The following OXR1 variants were observed in gnomAD, a reference collection of about 807,000 sequenced individuals.
The protein encoded by OXR1 is oxidation resistance 1, also known as oxidation resistance protein 1.
A neutral mutation model predicts 104.6 loss-of-function variants in OXR1; 41 were observed. The ratio of observed to expected loss-of-function variants is 0.39; its 90% CI spans 0.31 to 0.51. The LOEUF is 0.51. Among genes scored for constraint, OXR1 ranks in the 20% least tolerant of loss-of-function variants. The pLI, the probability that OXR1 is intolerant of heterozygous loss-of-function variation, is 0.77. For missense variants in OXR1, 955 were observed against 1,031.9 expected, an observed-to-expected ratio of 0.93 and a Z score of 1.02; for synonymous variants, 348 against 348.4, an observed-to-expected ratio of 1.00 and a Z score of 0.01.
intron 1 of OXR1, among the ~76,000 whole-genome samples, chr8:106,289,177 A>C (rs936161351): frequency 6.6e-6 from 1 of 152,208 alleles, no homozygotes; most frequent in Non-Finnish European, 1.5e-5. Flanking sequence ...TAGCCAAAGC[A>C]ATCAGGCAAG....
intron 1 of OXR1, among the ~76,000 whole-genome samples, chr8:106,342,983 A>G (rs116677385): frequency 0.011 from 1,606 of 152,252 alleles, 34 homozygotes; most frequent in African/African-American, 0.035. Context: ...TGGAAGTCCT[A>G]TACCCTGGGA....
chr8:106,707,223 G>A (rs561074289), intron 9 of OXR1, 78 bp downstream of exon 9: 19 of 1,380,834 alleles, frequency 1.4e-5, no homozygotes, highest in Middle Eastern at 1.8e-4. Context: ...CTCAAAAGCC[G>A]CTGTACCTTA....
chr8:106,641,248 C>G (rs187629435), intron 3 of OXR1, among the ~76,000 whole-genome samples: 1 of 152,254 alleles, frequency 6.6e-6, no homozygotes, highest in East Asian at 1.9e-4. Flanking sequence ...ATAAAGAAGG[C>G]TTTAGAGAGT....
At chr8:106,518,907 T>C in intron 2 of OXR1, 36 bp from the exon 3 acceptor site, 1 of 1,437,278 alleles carries the variant, frequency 7.0e-7, no homozygotes, top group Non-Finnish European at 9.4e-7. Flanking sequence ...GTCTCTAGAA[T>C]CAGGATTCAT....
chr8:106,467,118 C>G (rs187265256), intron 2 of OXR1, among the ~76,000 whole-genome samples: 3 of 151,984 alleles, frequency 2.0e-5, no homozygotes, highest in Admixed American at 2.0e-4. Flanking sequence ...TTCCAAACTA[C>G]CTTCCAGAGT....
chr8:106,499,596 A>T (rs898831520), intron 2 of OXR1, among the ~76,000 whole-genome samples: 5 of 152,084 alleles, frequency 3.3e-5, no homozygotes, highest in Non-Finnish European at 7.4e-5. Flanking sequence ...ACCCACCACC[A>T]CCTCCAAAAT....
intron 2 of OXR1, among the ~76,000 whole-genome samples, chr8:106,463,494 T>C (rs1821017800): frequency 6.6e-6 from 1 of 152,140 alleles, no homozygotes; most frequent in East Asian, 1.9e-4. Flanking sequence ...CTGTTTATGT[T>C]CTTTGGCCCT....
intron 1 of OXR1, among the ~76,000 whole-genome samples, chr8:106,278,950 T>C (rs1173934936): frequency 1.3e-5 from 2 of 152,192 alleles, no homozygotes; most frequent in Non-Finnish European, 2.9e-5. Flanking sequence ...TTTCCATATG[T>C]AGTTTCCAAC....
intron 2 of OXR1, among the ~76,000 whole-genome samples, chr8:106,425,211 C>T (rs970574098): frequency 1.7e-4 from 25 of 150,004 alleles, no homozygotes; most frequent in Non-Finnish European, 3.0e-4. Context: ...TCAAGGGATC[C>T]TCCTGCCTCT....
intron 2 of OXR1, among the ~76,000 whole-genome samples, chr8:106,485,293 G>T (rs1320243824): frequency 6.6e-6 from 1 of 152,076 alleles, no homozygotes; most frequent in South Asian, 2.1e-4. Flanking sequence ...AAGAGCAAGA[G>T]TGAATCCTAA....
intron 11 of OXR1, among the ~76,000 whole-genome samples, chr8:106,715,586 A>C (rs1832160338): frequency 6.6e-6 from 1 of 152,002 alleles, no homozygotes; most frequent in Admixed American, 6.6e-5. Context: ...AGGTGATGAA[A>C]TAAAGCTAGA....
chr8:106,691,105 A>C (rs960704100), intron 6 of OXR1, among the ~76,000 whole-genome samples: 42 of 151,988 alleles, frequency 2.8e-4, no homozygotes, highest in Admixed American at 2.7e-3. Flanking sequence ...TGATTATTAA[A>C]CTTTTTGTAA....
At chr8:106,637,321 G>A (rs1372805697) in intron 3 of OXR1, among the ~76,000 whole-genome samples, 1 of 149,220 alleles carries the variant, frequency 6.7e-6, no homozygotes. Context: ...GAACTTTAAT[G>A]TGTGTGTGTA....
intron 2 of OXR1, among the ~76,000 whole-genome samples, chr8:106,375,295 G>A (rs1816864729): frequency 6.6e-6 from 1 of 152,202 alleles, no homozygotes; most frequent in Non-Finnish European, 1.5e-5. Context: ...TTAGGTTGGT[G>A]CAAAAGTAAT....
intron 2 of OXR1, among the ~76,000 whole-genome samples, chr8:106,502,771 C>T (rs1191884859): frequency 1.3e-5 from 2 of 152,152 alleles, no homozygotes; most frequent in African/African-American, 4.8e-5. Context: ...AGTCCTTTAT[C>T]CCACTCCTGT....
chr8:106,366,413 G>C (rs190855853), intron 2 of OXR1, among the ~76,000 whole-genome samples: 2 of 152,072 alleles, frequency 1.3e-5, no homozygotes, highest in Non-Finnish European at 2.9e-5. Flanking sequence ...TGAACAATTA[G>C]GTAAAAGACC....
chr8:106,417,466 C>A (rs1423837021), intron 2 of OXR1, among the ~76,000 whole-genome samples: 1 of 152,100 alleles, frequency 6.6e-6, no homozygotes, highest in Non-Finnish European at 1.5e-5. Flanking sequence ...TTACTTCAGA[C>A]TGTGAGTTTG....
intron 7 of OXR1, among the ~76,000 whole-genome samples, chr8:106,700,541 CATT>C (rs994293260): frequency 6.6e-6 from 1 of 152,160 alleles, no homozygotes; most frequent in African/African-American, 2.4e-5. Flanking sequence ...TGGAAAGTAA[CATT>C]AGCAGATTGA....
chr8:106,390,015 G>A lies in OXR1; in HGVS notation c.23+30379G>A, dbSNP rs573811774. On this transcript the variant is annotated intron_variant, in intron 2 of 16. Transcript: ENST00000517566. ...CGGGAGGTAGAGGTTGCAGTGAGTT[G>A]AGATCGCACCACTGCACTCCAGCCA... 8.4e-4 allele frequency among the ~76,000 whole-genome samples: 128 copies of A among 152,192 alleles called. 1 individual carries two copies. Among genetic ancestry groups the A allele is most frequent in the African/African-American group, 3.0e-3 (124 of 41,524 alleles).
Sources: gnomAD v4.1 joint callset for allele counts (sites outside exome capture counted in the v4.1 genomes callset) on GRCh38, gnomAD v4.1.1 for gene constraint, MANE v1.5 for transcripts, NCBI Gene and HGNC (gene_info 2026-07-23, HGNC 2026-07-21) for gene names.